Variants in DOCK10 observed in about 807,000 individuals in gnomAD.
DOCK10 encodes dedicator of cytokinesis 10.
A neutral mutation model predicts 280.1 loss-of-function variants in DOCK10; 145 were observed. That is an observed-to-expected ratio of 0.52 (90% CI 0.45 to 0.59). DOCK10 has a LOEUF of 0.59. DOCK10 is among the 20% of genes least tolerant of loss of function. The pLI, the probability that DOCK10 is intolerant of heterozygous loss-of-function variation, is 0.00. For missense variants in DOCK10, 2,368 were observed against 2,651.7 expected, an observed-to-expected ratio of 0.89 and a Z score of 2.35; for synonymous variants, 915 against 942.2, an observed-to-expected ratio of 0.97 and a Z score of 0.53.
At chr2:224,967,743 A>C (rs79066856) in intron 1 of DOCK10, among the ~76,000 whole-genome samples, 1 of 152,044 alleles carries the variant, frequency 6.6e-6, no homozygotes, top group African/African-American at 2.4e-5. Flanking sequence ...AAAAAAAAAA[A>C]CCACATATAT....
At chr2:225,026,391 A>G (rs1689922604) in intron 1 of DOCK10, among the ~76,000 whole-genome samples, 1 of 152,200 alleles carries the variant, frequency 6.6e-6, no homozygotes, top group Non-Finnish European at 1.5e-5. Context: ...ACAACTAGTG[A>G]GAAGGCTGGA....
At position 224,840,122 on chromosome 2, in the gene DOCK10, T is replaced by G. The variant is rs375909622; in HGVS notation, c.2662-50A>C. On this transcript the variant is annotated intron_variant, in intron 23 of 55. Transcript: ENST00000258390. ...GGATACCAATTAAATTTGAAGCATG[T>G]CCTACATTCAAGACCTGAAACTATA... is the stretch of plus-strand genomic sequence containing the variant. 1.6e-4 allele frequency: 142 copies of G among 880,276 alleles called. 1 individual carries two copies. In the African/African-American group the frequency reaches 2.1e-3, roughly 13 times the overall value. The allele number at this position is 880,276 out of a possible 1,614,324, so 54.5% of individuals were successfully genotyped here.
At chr2:224,769,267 G>A (rs1266725166) in intron 55 of DOCK10, among the ~76,000 whole-genome samples, 4 of 152,174 alleles carry the variant, frequency 2.6e-5, no homozygotes, top group Non-Finnish European at 5.9e-5. Flanking sequence ...AAATCAGGAT[G>A]GAAGAAGATG....
intron 53 of DOCK10, 29 bp downstream of exon 53, chr2:224,773,128 C>A: frequency 1.3e-6 from 2 of 1,551,986 alleles, no homozygotes; most frequent in Non-Finnish European, 1.8e-6. Flanking sequence ...TGGCCATGTG[C>A]ATCTCAGCCC....
intron 11 of DOCK10, among the ~76,000 whole-genome samples, chr2:224,869,525 TAAC>T (rs549485678): frequency 2.6e-4 from 39 of 152,354 alleles, no homozygotes; most frequent in Middle Eastern, 3.4e-3. Context: ...TGGTATTAAA[TAAC>T]AAACTGCTGT....
chr2:224,911,408 T>C (rs1701005028), intron 3 of DOCK10, among the ~76,000 whole-genome samples: 1 of 152,226 alleles, frequency 6.6e-6, no homozygotes, highest in Admixed American at 6.5e-5. Flanking sequence ...TGAAGGCCTC[T>C]GGGAACCCTA....
intron 3 of DOCK10, among the ~76,000 whole-genome samples, chr2:224,902,708 T>A (rs1398583645): frequency 1.3e-5 from 2 of 152,050 alleles, no homozygotes; most frequent in African/African-American, 2.4e-5. Flanking sequence ...AAAACATTTT[T>A]TTTTTTTTGG....
At chr2:224,781,671 C>G (rs1158332503) in intron 50 of DOCK10, among the ~76,000 whole-genome samples, 1 of 152,194 alleles carries the variant, frequency 6.6e-6, no homozygotes, top group Admixed American at 6.5e-5. Context: ...CTCTGCACTT[C>G]CCTTGCTAGT....
At chr2:224,903,037 G>GC (rs1317735524) in intron 3 of DOCK10, among the ~76,000 whole-genome samples, 2 of 152,204 alleles carry the variant, frequency 1.3e-5, no homozygotes, top group African/African-American at 4.8e-5. Context: ...GGCGGAGCTT[G>GC]CAGTGAGCCG....
chr2:224,958,480 ACACT>A lies in DOCK10; in HGVS notation c.124-26816_124-26813del, dbSNP rs546668300. 6.0e-3 allele frequency among the ~76,000 whole-genome samples: 913 copies of A among 152,314 alleles called. 2 individuals are homozygous for A. The highest frequency in any genetic ancestry group is 0.011 in the South Asian group (54 of 4,830). The stretch of plus-strand genomic sequence containing the variant: ...GGTTAAACAGCCTCTCTTCCCCTGC[ACACT>A]CACTCCTTCCACAACTGACCTCTTT... On this transcript the variant is annotated intron_variant, in intron 1 of 55. Transcript: ENST00000258390.
chr2:224,857,535 A>G (rs1274889403), intron 14 of DOCK10, among the ~76,000 whole-genome samples: 3 of 152,358 alleles, frequency 2.0e-5, no homozygotes, highest in Non-Finnish European at 2.9e-5. Context: ...GTTGTTTTAA[A>G]GAAAGAGAAC....
At position 225,035,534 on chromosome 2, in the gene DOCK10, GATATATATTATATATATATATATAT is replaced by G. The variant is rs1488385274; in HGVS notation, c.123+6693_123+6717del. Reference sequence around the variant, plus strand: ...TATCAATATAGATCTTATATGATATGATATATATTATATATATATATATATATATATATATATATATATATATATA... The same window carrying G: ...TATCAATATAGATCTTATATGATATGATATATATATATATATATATATATA... On this transcript the variant is annotated intron_variant, in intron 1 of 55. Coordinates refer to ENST00000258390, the MANE Select transcript of DOCK10 (RefSeq NM_014689.3). 5.2e-5 allele frequency among the ~76,000 whole-genome samples: 3 copies of G among 58,202 alleles called. 1 individual carries two copies. Among genetic ancestry groups the G allele is most frequent in the African/African-American group, 1.8e-4 (3 of 16,790 alleles). 38.2% of individuals were successfully genotyped at this position (58,202 alleles called of 152,430 possible). A position where few individuals can be genotyped will look rare whatever the true frequency, so the allele number is the denominator to read the frequency against.
At chr2:224,788,752 A>G (rs1273003293) in intron 48 of DOCK10, among the ~76,000 whole-genome samples, 1 of 152,216 alleles carries the variant, frequency 6.6e-6, no homozygotes, top group Non-Finnish European at 1.5e-5. Context: ...TAATGCTTTT[A>G]GAAAGAAAGC....
At chr2:224,802,633 T>G (rs1437749997) in intron 39 of DOCK10, among the ~76,000 whole-genome samples, 1 of 152,126 alleles carries the variant, frequency 6.6e-6, no homozygotes, top group Non-Finnish European at 1.5e-5. Context: ...AATGACTCAT[T>G]CAACACCCCA....
intron 27 of DOCK10, among the ~76,000 whole-genome samples, chr2:224,824,343 A>C (rs1004375362): frequency 3.3e-5 from 5 of 151,444 alleles, no homozygotes; most frequent in Non-Finnish European, 7.4e-5. Context: ...AGACCATTTC[A>C]GGTCCAGATA....
Position 224,823,585 on chromosome 2 carries a change from G to T in DOCK10, c.3099C>A (p.Val1033=). 3.1e-6 allele frequency: 5 copies of T among 1,607,628 alleles called. No homozygotes were observed. The highest frequency in any genetic ancestry group is 4.2e-6 in the Non-Finnish European group (5 of 1,178,120). ...ATTTCCAAATCACATGGTCGGATAG[G>T]ACCATGACAAGATTGTCCAATTCAT... is the stretch of plus-strand genomic sequence containing the variant. ...YQNELDNLVM[V]LSDHVIWKYK... The change falls in exon 28 of 56, where the codon GTC becomes GTA. Residue 1033 remains valine, a synonymous_variant. Transcript: ENST00000258390.
At chr2:224,797,312 C>T (rs1226199072) in intron 42 of DOCK10, among the ~76,000 whole-genome samples, 166 bp from the exon 43 acceptor site, 2 of 150,310 alleles carry the variant, frequency 1.3e-5, no homozygotes, top group African/African-American at 4.9e-5. Flanking sequence ...TTTGTTAAGG[C>T]CTATGTTAGC....
At chr2:224,896,935 C>A (rs970113645) in intron 3 of DOCK10, among the ~76,000 whole-genome samples, 17 of 152,120 alleles carry the variant, frequency 1.1e-4, no homozygotes, top group African/African-American at 4.1e-4. Flanking sequence ...CATATTTATT[C>A]TATTTTACTT....
intron 2 of DOCK10, among the ~76,000 whole-genome samples, chr2:224,918,221 C>T (rs529238083): frequency 2.0e-5 from 3 of 152,288 alleles, no homozygotes; most frequent in South Asian, 4.1e-4. Context: ...TCACTTATAA[C>T]CTCAGTGCTA....
Sources: allele counts gnomAD v4.1 joint callset (sites outside exome capture counted in the v4.1 genomes callset), GRCh38; gene constraint gnomAD v4.1.1; transcripts MANE v1.5; gene names NCBI Gene and HGNC (gene_info 2026-07-23, HGNC 2026-07-21).